MGAT4C: variants seen among roughly 807,000 people sequenced by gnomAD.
The protein encoded by MGAT4C is alpha-1,3-mannosyl-glycoprotein 4-beta-N-acetylglucosaminyltransferase C.
Under a neutral mutation model 40.1 loss-of-function variants are expected in MGAT4C, and 19 were observed. The observed-to-expected ratio is 0.47, with a 90% CI of 0.33 to 0.70. MGAT4C has a LOEUF of 0.70. Among genes scored for constraint, MGAT4C ranks in the 30% least tolerant of loss-of-function variants. The pLI is 0.02. For missense variants in MGAT4C, 491 were observed against 563.2 expected (o/e 0.87, Z 1.30); for synonymous variants, 181 against 187.1 (o/e 0.97, Z 0.27).
At chr12:86,420,519 C>T (rs1235491880) in intron 3 of MGAT4C, among the ~76,000 whole-genome samples, 1 of 152,108 alleles carries the variant, frequency 6.6e-6, no homozygotes, top group Non-Finnish European at 1.5e-5. Context: ...TGGGCCACCT[C>T]TTAGCAGCTC....
At chr12:86,031,759 ATTTAC>A (rs1890775310) in intron 2 of MGAT4C, among the ~76,000 whole-genome samples, 1 of 151,752 alleles carries the variant, frequency 6.6e-6, no homozygotes, top group African/African-American at 2.4e-5. Flanking sequence ...TTATTTATAT[ATTTAC>A]TTGTTAACTT....
chr12:86,196,641 A>T (rs949548878), intron 1 of MGAT4C, among the ~76,000 whole-genome samples: 7 of 152,230 alleles, frequency 4.6e-5, no homozygotes, highest in African/African-American at 1.7e-4. Flanking sequence ...CAGAAGTCTG[A>T]CAGCCTTCCT....
At chr12:86,406,385 C>T (rs533630925) in intron 3 of MGAT4C, among the ~76,000 whole-genome samples, 1 of 151,868 alleles carries the variant, frequency 6.6e-6, no homozygotes, top group South Asian at 2.1e-4. Flanking sequence ...ATGAAGAATT[C>T]TCAAAACTCA....
chr12:86,693,535 C>T (rs1443043081), intron 2 of MGAT4C, among the ~76,000 whole-genome samples: 1 of 151,958 alleles, frequency 6.6e-6, no homozygotes, highest in East Asian at 1.9e-4. Flanking sequence ...AGCTAATTAG[C>T]TTTGGGCTCC....
chr12:86,773,890 T>C (rs909167380), intron 1 of MGAT4C, among the ~76,000 whole-genome samples: 5 of 151,704 alleles, frequency 3.3e-5, no homozygotes, highest in African/African-American at 9.7e-5. Context: ...TTACATTAAT[T>C]TTATTTAACT....
At chr12:86,122,452 C>A (rs1025249105) in intron 1 of MGAT4C, among the ~76,000 whole-genome samples, 1 of 152,018 alleles carries the variant, frequency 6.6e-6, no homozygotes, top group Non-Finnish European at 1.5e-5. Context: ...TACAGCTATG[C>A]AAAAAGTTAT....
At chr12:86,826,231 A>C (rs1385181891) in intron 1 of MGAT4C, among the ~76,000 whole-genome samples, 1 of 151,408 alleles carries the variant, frequency 6.6e-6, no homozygotes, top group African/African-American at 2.4e-5. Context: ...TTCCTGTGTT[A>C]TGTGACTCCC....
intron 1 of MGAT4C, among the ~76,000 whole-genome samples, chr12:86,806,798 T>C (rs758789803): frequency 4.6e-5 from 7 of 151,896 alleles, no homozygotes; most frequent in Non-Finnish European, 7.4e-5. Context: ...TAGGTGGGAA[T>C]TGAACAACGA....
intron 1 of MGAT4C, among the ~76,000 whole-genome samples, chr12:86,733,263 A>AT (rs1400931129): frequency 1.3e-5 from 2 of 152,012 alleles, no homozygotes; most frequent in Non-Finnish European, 1.5e-5. Context: ...AAAATACCAC[A>AT]TTTTCCCTTA....
intron 3 of MGAT4C, among the ~76,000 whole-genome samples, chr12:86,404,903 T>C (rs1348746875): frequency 6.6e-6 from 1 of 152,066 alleles, no homozygotes; most frequent in African/African-American, 2.4e-5. Context: ...TGTAACTAAA[T>C]GAGATAGGAA....
chr12:86,538,290 A>C (rs772402562), intron 2 of MGAT4C, among the ~76,000 whole-genome samples: 2 of 152,144 alleles, frequency 1.3e-5, no homozygotes, highest in Non-Finnish European at 2.9e-5. Context: ...ATTCAACAGG[A>C]GAAACATAAG....
chr12:86,736,650 C>T (rs550441385), intron 1 of MGAT4C, among the ~76,000 whole-genome samples: 79 of 151,780 alleles, frequency 5.2e-4, no homozygotes, highest in African/African-American at 1.4e-3. Flanking sequence ...CATCCTAATT[C>T]ATTCACTTTT....
At chr12:86,045,987 C>A (rs1273706828) in intron 2 of MGAT4C, among the ~76,000 whole-genome samples, 1 of 152,188 alleles carries the variant, frequency 6.6e-6, no homozygotes, top group African/African-American at 2.4e-5. Context: ...TTTACCTGAA[C>A]ACTTGCAGTG....
At chr12:86,122,010 T>C (rs142306744) in intron 1 of MGAT4C, among the ~76,000 whole-genome samples, 33 of 152,302 alleles carry the variant, frequency 2.2e-4, no homozygotes, top group Admixed American at 5.2e-4. Context: ...TTTTAATTAT[T>C]TGTTGTCTAG....
intron 2 of MGAT4C, among the ~76,000 whole-genome samples, chr12:86,493,546 G>A (rs1592915203): frequency 6.7e-6 from 1 of 149,036 alleles, no homozygotes; most frequent in Admixed American, 6.9e-5. Flanking sequence ...CTATCGCAAG[G>A]ACAAAAAACC....
rs1234489417 is a variant in MGAT4C at position 85,974,057 on chromosome 12, AAG to A, written c.*5230_*5231del. The A allele has an allele frequency of 6.6e-6, 1 of 150,938 alleles. No homozygotes were observed. Among genetic ancestry groups the A allele is most frequent in the Non-Finnish European group, 1.5e-5 (1 of 67,110 alleles). 9.3% of individuals were successfully genotyped at this position (150,938 alleles called of 1,614,324 possible). On this transcript the variant is annotated 3_prime_UTR_variant, in exon 5 of 5. Transcript: ENST00000611864. The stretch of plus-strand genomic sequence containing the variant: ...TATCTTAATATTTTTATAGCTTAGA[AAG>A]AGAATGCTATGCAACTCATATTTTG...
chr12:86,777,071 T>C (rs944502387), intron 1 of MGAT4C, among the ~76,000 whole-genome samples: 2 of 152,170 alleles, frequency 1.3e-5, no homozygotes, highest in Non-Finnish European at 1.5e-5. Flanking sequence ...AAGACTAATA[T>C]AAAAAATTCA....
intron 2 of MGAT4C, among the ~76,000 whole-genome samples, chr12:86,572,922 C>T (rs1471698450): frequency 1.3e-5 from 2 of 151,958 alleles, no homozygotes; most frequent in Non-Finnish European, 2.9e-5. Context: ...GGGCAAGGGG[C>T]TTTTGTATTT....
chr12:86,397,904 A>G (rs1956289146), intron 3 of MGAT4C, among the ~76,000 whole-genome samples: 1 of 152,200 alleles, frequency 6.6e-6, no homozygotes, highest in South Asian at 2.1e-4. Flanking sequence ...TTGAAGCTGC[A>G]GTGAGCTATG....
Sources: allele counts gnomAD v4.1 joint callset (sites outside exome capture counted in the v4.1 genomes callset), GRCh38; gene constraint gnomAD v4.1.1; transcripts MANE v1.5; gene names NCBI Gene and HGNC (gene_info 2026-07-23, HGNC 2026-07-21).